DIP2B: variants seen among roughly 807,000 people sequenced by gnomAD.
DIP2B encodes the protein disco-interacting protein 2 homolog B.
In DIP2B, 76 loss-of-function variants were observed where a neutral mutation model predicts 198.0. That is an observed-to-expected ratio of 0.38 (90% CI 0.32 to 0.46). The LOEUF (loss-of-function observed/expected upper bound fraction) is 0.46, where lower values mean the gene tolerates loss of function less well. DIP2B is among the 20% of genes least tolerant of loss of function. The probability of loss-of-function intolerance (pLI) is 0.99; values close to 1 mark genes in which losing one functional copy is unlikely to be tolerated. For synonymous variants in DIP2B, 701 were observed against 739.1 expected, an observed-to-expected ratio of 0.95 and a Z score of 0.84; for missense variants, 1,559 against 1,978.4, an observed-to-expected ratio of 0.79 and a Z score of 4.02.
At chr12:50,520,951 C>T (rs1958112002) in intron 1 of DIP2B, among the ~76,000 whole-genome samples, 1 of 152,040 alleles carries the variant, frequency 6.6e-6, no homozygotes, top group African/African-American at 2.4e-5. Context: ...GAGTATTTTC[C>T]CTGTCAGGAC....
At chr12:50,718,640 C>A in intron 23 of DIP2B, 69 bp from the exon 24 acceptor site, 1 of 1,380,186 alleles carries the variant, frequency 7.2e-7, no homozygotes, top group Non-Finnish European at 1.0e-6. Flanking sequence ...TTTGGTCAGT[C>A]TGGAAATGCT....
chr12:50,567,957 C>G (rs571056688), intron 1 of DIP2B, among the ~76,000 whole-genome samples: 4 of 152,116 alleles, frequency 2.6e-5, no homozygotes, highest in Non-Finnish European at 4.4e-5. Context: ...ATGTGTGGTT[C>G]ATATTGAATA....
intron 2 of DIP2B, among the ~76,000 whole-genome samples, chr12:50,628,054 A>G (rs1475184186): frequency 6.6e-6 from 1 of 152,186 alleles, no homozygotes; most frequent in Non-Finnish European, 1.5e-5. Flanking sequence ...TCAGTAAGGC[A>G]CACAGTATCT....
intron 1 of DIP2B, among the ~76,000 whole-genome samples, chr12:50,539,654 G>T (rs987517399): frequency 6.8e-6 from 1 of 148,076 alleles, no homozygotes; most frequent in Admixed American, 6.7e-5. Context: ...GATTAAAGAA[G>T]AATAATAGAT....
rs1042358234 is a variant in DIP2B, at chr12:50,688,715, A to G, written c.1551+2033A>G. ...AAATTTAGTGATCAGCTCTCAATCT[A>G]TGTCATGTCTCAGTGATGACATGGT... On this transcript the variant is annotated intron_variant, in intron 12 of 37. Coordinates refer to ENST00000301180, the MANE Select transcript of DIP2B (RefSeq NM_173602.3). 5.9e-5 allele frequency among the ~76,000 whole-genome samples: 9 copies of G among 152,188 alleles called. No homozygotes were observed. The East Asian group carries it at 1.7e-3, about 29-fold the overall frequency.
chr12:50,556,656 C>T (rs1044411443), intron 1 of DIP2B, among the ~76,000 whole-genome samples: 18 of 151,622 alleles, frequency 1.2e-4, no homozygotes, highest in African/African-American at 4.4e-4. Context: ...GATTCTCCTG[C>T]CTCAGCCTCT....
intron 37 of DIP2B, among the ~76,000 whole-genome samples, chr12:50,744,139 C>T: frequency 6.6e-6 from 1 of 152,148 alleles, no homozygotes. Flanking sequence ...GTAGCTGGGA[C>T]TACGGGTGCT....
At chr12:50,736,978 C>T (rs1311605231) in intron 34 of DIP2B, 58 bp from the exon 35 acceptor site, 5 of 1,563,394 alleles carry the variant, frequency 3.2e-6, no homozygotes, top group Admixed American at 1.7e-5. Context: ...CCGTGCGTTT[C>T]CTGGAGGTCA....
intron 1 of DIP2B, among the ~76,000 whole-genome samples, chr12:50,563,058 C>G (rs1258255659): frequency 6.6e-6 from 1 of 152,182 alleles, no homozygotes; most frequent in Middle Eastern, 3.2e-3. Flanking sequence ...TTAACCACAG[C>G]TTGACTTACT....
chr12:50,739,428 A>C lies in DIP2B; in HGVS notation c.4196A>C (p.His1399Pro). 1 of 1,613,460 alleles carries C rather than the reference A, an allele frequency of 6.2e-7. No homozygotes were observed. Among genetic ancestry groups the C allele is most frequent in the Non-Finnish European group, 8.5e-7 (1 of 1,179,382 alleles). Reference sequence around the variant, plus strand: ...TTGTAGATTTGGGTGAACAGTCCCCATACAGCCAGCGGCTACTACACCATC... The same window carrying C: ...TTGTAGATTTGGGTGAACAGTCCCCCTACAGCCAGCGGCTACTACACCATC... ...HLGEIWVNSP[H>P]TASGYYTIYD... is the part of the protein sequence containing the mutation. The change falls in exon 36 of 38, where the codon CAT becomes CCT. Residue 1399 changes from histidine to proline, a missense_variant. Coordinates refer to ENST00000301180, the MANE Select transcript of DIP2B (RefSeq NM_173602.3).
intron 1 of DIP2B, among the ~76,000 whole-genome samples, chr12:50,623,392 TACACACACACACAC>T (rs55689070): frequency 0.053 from 4,932 of 93,898 alleles, 199 homozygotes; most frequent in South Asian, 0.079. Context: ...TATATGTATC[TACACACACACACAC>T]ACACACACAC....
chr12:50,588,633 G>A (rs960183970), intron 1 of DIP2B, among the ~76,000 whole-genome samples: 2 of 152,098 alleles, frequency 1.3e-5, no homozygotes, highest in African/African-American at 4.8e-5. Flanking sequence ...TGCTCTGGTG[G>A]GTGGAGAACA....
At chr12:50,622,974 T>C (rs551946093) in intron 1 of DIP2B, among the ~76,000 whole-genome samples, 1 of 152,050 alleles carries the variant, frequency 6.6e-6, no homozygotes, top group African/African-American at 2.4e-5. Flanking sequence ...AAATTGAATA[T>C]ACTGTGTAAA....
At chr12:50,663,417 C>T (rs930852241) in intron 4 of DIP2B, among the ~76,000 whole-genome samples, 3 of 150,780 alleles carry the variant, frequency 2.0e-5, no homozygotes, top group Non-Finnish European at 3.0e-5. Flanking sequence ...ATTAGCCGGG[C>T]GTGGTGGCAG....
intron 34 of DIP2B, 30 bp from the exon 35 acceptor site, chr12:50,737,006 C>T (rs1447631531): frequency 6.2e-7 from 1 of 1,606,650 alleles, no homozygotes. Flanking sequence ...TCACTGAACT[C>T]AATCTTTGTA....
intron 1 of DIP2B, among the ~76,000 whole-genome samples, chr12:50,549,443 T>C (rs1208617811): frequency 6.6e-6 from 1 of 152,078 alleles, no homozygotes; most frequent in Non-Finnish European, 1.5e-5. Context: ...GGCAGGAGAA[T>C]GGCGTGAACC....
intron 1 of DIP2B, among the ~76,000 whole-genome samples, chr12:50,559,712 C>CACACAT (rs1418092263): frequency 3.4e-5 from 5 of 146,680 alleles, no homozygotes; most frequent in African/African-American, 1.3e-4. Context: ...ACAGAAACCA[C>CACACAT]ACACACACAC....
chr12:50,545,716 A>T (rs1235834533), intron 1 of DIP2B, among the ~76,000 whole-genome samples: 2 of 149,546 alleles, frequency 1.3e-5, no homozygotes, highest in African/African-American at 4.9e-5. Context: ...GCTCACTGCA[A>T]CCTCTGCCTC....
chr12:50,512,273 A>G (rs997902840), intron 1 of DIP2B, among the ~76,000 whole-genome samples: 2 of 151,506 alleles, frequency 1.3e-5, no homozygotes, highest in Non-Finnish European at 2.9e-5. Context: ...CGCCCGGCTA[A>G]TTTTTGTATT....
Sources: allele counts gnomAD v4.1 joint callset (sites outside exome capture counted in the v4.1 genomes callset), GRCh38; gene constraint gnomAD v4.1.1; transcripts MANE v1.5; gene names NCBI Gene and HGNC (gene_info 2026-07-23, HGNC 2026-07-21).